Variants in HHAT observed in about 807,000 individuals in gnomAD.
HHAT encodes hedgehog acyltransferase.
Under a neutral mutation model 70.8 loss-of-function variants are expected in HHAT, and 47 were observed. That is an observed-to-expected ratio of 0.66 (90% CI 0.53 to 0.85). HHAT has a LOEUF of 0.85. Ranked by LOEUF, HHAT falls within the 40% of genes least tolerant of loss-of-function variation. The pLI is 0.00. For synonymous variants in HHAT, 228 were observed against 247.6 expected (o/e 0.92, Z 0.74); for missense variants, 609 against 604.8 (o/e 1.01, Z -0.07).
chr1:210,370,599 T>C (rs1254045282), intron 3 of HHAT, among the ~76,000 whole-genome samples: 1 of 149,266 alleles, frequency 6.7e-6, no homozygotes, highest in African/African-American at 2.5e-5. Flanking sequence ...TCCATTCACA[T>C]TGCAGATGCT....
chr1:210,562,032 T>A (rs141202607), intron 9 of HHAT, among the ~76,000 whole-genome samples: 356 of 152,312 alleles, frequency 2.3e-3, no homozygotes, highest in African/African-American at 8.1e-3. Flanking sequence ...AAATACAATG[T>A]AAACTTACAC....
At chr1:210,332,388 C>G (rs1043197905) in intron 1 of HHAT, among the ~76,000 whole-genome samples, 2 of 152,254 alleles carry the variant, frequency 1.3e-5, no homozygotes, top group Non-Finnish European at 2.9e-5. Context: ...CACAAAAAAA[C>G]AAGCATTGTT....
intron 10 of HHAT, among the ~76,000 whole-genome samples, chr1:210,608,837 C>A (rs1043919032): frequency 6.6e-6 from 1 of 152,116 alleles, no homozygotes; most frequent in Admixed American, 6.6e-5. Context: ...GTTGCTGCAT[C>A]CTCCAGAGGG....
At chr1:210,403,382 G>A (rs2092172374) in intron 5 of HHAT, among the ~76,000 whole-genome samples, 1 of 152,184 alleles carries the variant, frequency 6.6e-6, no homozygotes, top group South Asian at 2.1e-4. Context: ...TTTATTTGGG[G>A]ACAATTAGCA....
chr1:210,344,707 G>A (rs1358025963), intron 1 of HHAT, among the ~76,000 whole-genome samples: 1 of 152,190 alleles, frequency 6.6e-6, no homozygotes, highest in Non-Finnish European at 1.5e-5. Flanking sequence ...TCTGCTTTCA[G>A]TAGGGTCTTT....
intron 8 of HHAT, among the ~76,000 whole-genome samples, chr1:210,502,383 C>CTTAAAAAAAAAAA (rs1482234428): frequency 1.1e-5 from 1 of 87,032 alleles, no homozygotes; most frequent in Non-Finnish European, 2.2e-5. Context: ...GACTCAGTCT[C>CTTAAAAAAAAAAA]AAAAAAAAAA....
chr1:210,596,741 T>C lies in HHAT; in HGVS notation c.1245+8642T>C, dbSNP rs113532030. Among the ~76,000 whole-genome samples the C allele has an allele frequency of 6.0e-3, 914 of 152,280 alleles. 5 individuals carry two copies. The highest frequency in any genetic ancestry group is 0.01 in the Non-Finnish European group (687 of 68,010). On this transcript the variant is annotated intron_variant, in intron 10 of 11. Coordinates refer to ENST00000261458, the MANE Select transcript of HHAT (RefSeq NM_018194.6). ...TTCTCTGTTTTGTCTTGAACTTCAT[T>C]TAGTTTCCTCAAAGTAGCTATTTTG...
At chr1:210,337,310 C>T (rs1350309763) in intron 1 of HHAT, among the ~76,000 whole-genome samples, 1 of 152,082 alleles carries the variant, frequency 6.6e-6, no homozygotes, top group African/African-American at 2.4e-5. Context: ...TCTATAAATC[C>T]TTTCAGTTAG....
At position 210,424,537 on chromosome 1, in the gene HHAT, A is replaced by T. The variant is rs541111409; in HGVS notation, c.856+6212A>T. 3.4e-4 allele frequency among the ~76,000 whole-genome samples: 49 copies of T among 142,336 alleles called. 1 individual carries two copies. Among genetic ancestry groups the T allele is most frequent in the African/African-American group, 1.1e-3 (42 of 38,220 alleles). The allele number at this position is 142,336 out of a possible 152,430, so 93.4% of individuals were successfully genotyped here. On this transcript the variant is annotated intron_variant, in intron 7 of 11. Coordinates refer to ENST00000261458, the MANE Select transcript of HHAT (RefSeq NM_018194.6). ...TTTTTTTTGTACAGATTATTTCATC[A>T]CCCAGCTATTAAGCTGAGTACTCAT...
At chr1:210,429,011 A>G (rs937715271) in intron 7 of HHAT, among the ~76,000 whole-genome samples, 3 of 151,880 alleles carry the variant, frequency 2.0e-5, no homozygotes, top group Admixed American at 6.5e-5. Flanking sequence ...TCGCTCCGGC[A>G]AAAGACAAAG....
rs542299084 is a variant in HHAT, at chr1:210,386,262, A to G, written c.160-1206A>G. On this transcript the variant is annotated intron_variant, in intron 3 of 11. Transcript: ENST00000261458. Reference sequence around the variant, plus strand: ...TTTTTTTTTTTTTTTTTTTTGAGACAGAGTCTCGCTCTGTCGCCCAGGCTG... The same window carrying G: ...TTTTTTTTTTTTTTTTTTTTGAGACGGAGTCTCGCTCTGTCGCCCAGGCTG... 4.6e-3 allele frequency among the ~76,000 whole-genome samples: 240 copies of G among 51,692 alleles called. 1 individual carries two copies. Among genetic ancestry groups the G allele is most frequent in the African/African-American group, 0.014 (204 of 14,118 alleles). The allele number at this position is 51,692 out of a possible 152,430, so 33.9% of individuals were successfully genotyped here.
At position 210,404,468 on chromosome 1, in the gene HHAT, G is replaced by C; in HGVS notation, c.473G>C (p.Arg158Thr). The C allele has an allele frequency of 1.2e-6, 2 of 1,610,920 alleles. No homozygotes were observed. Among genetic ancestry groups the C allele is most frequent in the Non-Finnish European group, 8.5e-7 (1 of 1,178,684 alleles). The change falls in exon 6 of 12, where the codon AGG becomes ACG. Residue 158 changes from arginine (R) to threonine (T), a missense_variant. Coordinates refer to ENST00000261458, the MANE Select transcript of HHAT (RefSeq NM_018194.6). Reference sequence around the variant, plus strand: ...TCTCTCCTTTTGATTTTGTAGAGAAGGTGGTACAAGACAGAAAACGAGTAC... The same window carrying C: ...TCTCTCCTTTTGATTTTGTAGAGAACGTGGTACAAGACAGAAAACGAGTAC... The part of the protein sequence containing the change: ...RLQGVEEVKR[R>T]WYKTENEYYL...
chr1:210,520,063 T>C (rs555237569), intron 9 of HHAT, among the ~76,000 whole-genome samples: 1 of 152,122 alleles, frequency 6.6e-6, no homozygotes, highest in South Asian at 2.1e-4. Context: ...TCACCCAGAC[T>C]GGAGTGCAAT....
intron 3 of HHAT, among the ~76,000 whole-genome samples, chr1:210,387,028 AT>A (rs1434851833): frequency 6.6e-6 from 1 of 152,254 alleles, no homozygotes; most frequent in Non-Finnish European, 1.5e-5. Flanking sequence ...CAGTGAAAAT[AT>A]CTAGTTGTCT....
At chr1:210,383,326 C>T (rs551383802) in intron 3 of HHAT, among the ~76,000 whole-genome samples, 6 of 88,084 alleles carry the variant, frequency 6.8e-5, no homozygotes, top group East Asian at 4.9e-4. Flanking sequence ...GGCAGCAGAG[C>T]GAGACTGTCT....
chr1:210,482,384 T>C (rs1191620420), intron 8 of HHAT, among the ~76,000 whole-genome samples: 2 of 152,238 alleles, frequency 1.3e-5, no homozygotes, highest in African/African-American at 4.8e-5. Context: ...ACTGAACTAA[T>C]TGAAGCTTTA....
intron 9 of HHAT, among the ~76,000 whole-genome samples, chr1:210,544,838 C>T (rs1270155913): frequency 2.0e-5 from 3 of 152,156 alleles, no homozygotes; most frequent in African/African-American, 4.8e-5. Flanking sequence ...ATGGTGCCTT[C>T]ACTTCTTCCA....
intron 3 of HHAT, among the ~76,000 whole-genome samples, chr1:210,380,950 C>T (rs1268703848): frequency 6.6e-6 from 1 of 151,820 alleles, no homozygotes; most frequent in Admixed American, 6.6e-5. Flanking sequence ...CTCTGGAATG[C>T]TAAGGGGAGC....
chr1:210,661,615 G>A (rs1020224285), intron 11 of HHAT, among the ~76,000 whole-genome samples: 6 of 152,132 alleles, frequency 3.9e-5, no homozygotes, highest in Admixed American at 2.0e-4. Flanking sequence ...TGTTTATTGC[G>A]GAACTATTCA....
Sources: allele counts gnomAD v4.1 joint callset (sites outside exome capture counted in the v4.1 genomes callset), GRCh38; gene constraint gnomAD v4.1.1; transcripts MANE v1.5; gene names NCBI Gene and HGNC (gene_info 2026-07-23, HGNC 2026-07-21).